The following PPARG variants were observed in gnomAD, a reference collection of about 807,000 sequenced individuals.
PPARG encodes peroxisome proliferator-activated receptor gamma.
A neutral mutation model predicts 39.2 loss-of-function variants in PPARG; 17 were observed. The observed-to-expected ratio is 0.43, with a 90% CI of 0.30 to 0.65. The LOEUF (loss-of-function observed/expected upper bound fraction) is 0.65, where lower values mean the gene tolerates loss of function less well. Ranked by LOEUF, PPARG falls within the 30% of genes least tolerant of loss-of-function variation. The pLI is 0.13. For missense variants in PPARG, 406 were observed against 585.9 expected (o/e 0.69, Z 3.17); for synonymous variants, 223 against 215.7 (o/e 1.03, Z -0.30).
At chr3:12,390,815 A>G (rs1268115050) in intron 4 of PPARG, among the ~76,000 whole-genome samples, 1 of 151,132 alleles carries the variant, frequency 6.6e-6, no homozygotes, top group Admixed American at 6.6e-5. Context: ...ACCTGCCTAA[A>G]TTTTTTGTAT....
At chr3:12,367,166 T>C (rs2049044058) in intron 2 of PPARG, among the ~76,000 whole-genome samples, 1 of 152,176 alleles carries the variant, frequency 6.6e-6, no homozygotes, top group African/African-American at 2.4e-5. Context: ...GATTATCAAA[T>C]TTGTGAGCAT....
intron 2 of PPARG, among the ~76,000 whole-genome samples, chr3:12,325,000 T>A (rs2047650949): frequency 6.7e-6 from 1 of 149,184 alleles, no homozygotes; most frequent in African/African-American, 2.4e-5. Context: ...ATAAAGAGGC[T>A]TTGTGAGCGA....
chr3:12,408,114 C>T (rs1054208892), intron 6 of PPARG, among the ~76,000 whole-genome samples: 2 of 152,170 alleles, frequency 1.3e-5, no homozygotes, highest in African/African-American at 4.8e-5. Flanking sequence ...TAGCATAGTA[C>T]TTTAGGAAGC....
intron 1 of PPARG, among the ~76,000 whole-genome samples, chr3:12,292,138 G>C (rs2046664243): frequency 6.6e-6 from 1 of 152,094 alleles, no homozygotes; most frequent in Non-Finnish European, 1.5e-5. Flanking sequence ...TTTATAAACT[G>C]TTTCTGGGAA....
chr3:12,368,183 C>CTTTTTTTTTTTTTTTTTT (rs556381640), intron 2 of PPARG, among the ~76,000 whole-genome samples: 1 of 133,448 alleles, frequency 7.5e-6, no homozygotes, highest in Non-Finnish European at 1.6e-5. Context: ...TTTTCTTTTT[C>CTTTTTTTTTTTTTTTTTT]TTTTTTGTTT....
chr3:12,410,101 A>AT lies in PPARG; in HGVS notation c.729+4021dup, dbSNP rs1385191312. On this transcript the variant is annotated intron_variant, in intron 6 of 7. Transcript: ENST00000651735. Reference sequence around the variant, plus strand: ...AAGATGGGATATGGAATCGTCAGCTATAGATTGCCGGACAAGAAATTTTAG... The same window carrying AT: ...AAGATGGGATATGGAATCGTCAGCTATTAGATTGCCGGACAAGAAATTTTAG... 2.0e-5 allele frequency among the ~76,000 whole-genome samples: 3 copies of AT among 152,224 alleles called. No homozygotes were observed. In the East Asian group the frequency reaches 5.8e-4, roughly 29 times the overall value.
intron 5 of PPARG, among the ~76,000 whole-genome samples, chr3:12,401,690 G>A (rs1277445335): frequency 1.3e-5 from 2 of 151,598 alleles, no homozygotes; most frequent in Non-Finnish European, 2.9e-5. Context: ...TGTTTTATGG[G>A]AATTTAGTCT....
intron 1 of PPARG, among the ~76,000 whole-genome samples, chr3:12,299,061 G>A (rs759187889): frequency 1.3e-5 from 2 of 151,986 alleles, no homozygotes; most frequent in African/African-American, 2.4e-5. Context: ...TCTTGAACTC[G>A]TAGGCCCAAG....
intron 7 of PPARG, among the ~76,000 whole-genome samples, chr3:12,429,069 T>C (rs1218835974): frequency 6.6e-6 from 1 of 152,188 alleles, no homozygotes; most frequent in Non-Finnish European, 1.5e-5. Context: ...CCTCCTTCCC[T>C]AAACCATCTT....
At chr3:12,316,634 T>G (rs2047396464) in intron 2 of PPARG, among the ~76,000 whole-genome samples, 1 of 151,998 alleles carries the variant, frequency 6.6e-6, no homozygotes, top group African/African-American at 2.4e-5. Context: ...AAGTAACAAG[T>G]CTTCAGCAGT....
rs1307204248 is a variant in PPARG, at chr3:12,374,553, C to T, written c.-8-5151C>T. ...GGTGGAGGTTGCAGTGAGCCAAGAT[C>T]GTGCCACTGCATTCCAGCCTGGGTG... On this transcript the variant is annotated intron_variant, in intron 2 of 7. Transcript: ENST00000651735. 2.6e-5 allele frequency among the ~76,000 whole-genome samples: 4 copies of T among 152,050 alleles called. No homozygotes were observed. The South Asian group carries it at 6.2e-4, about 24-fold the overall frequency.
intron 2 of PPARG, among the ~76,000 whole-genome samples, chr3:12,372,686 C>G (rs1460507924): frequency 6.6e-6 from 1 of 152,190 alleles, no homozygotes; most frequent in Non-Finnish European, 1.5e-5. Flanking sequence ...TTCAATTTTA[C>G]AATTTAGCAT....
intron 5 of PPARG, among the ~76,000 whole-genome samples, chr3:12,397,659 C>G (rs2050317100): frequency 6.6e-6 from 1 of 152,022 alleles, no homozygotes; most frequent in South Asian, 2.1e-4. Context: ...ATCTGCCCAC[C>G]TCAGCCTCTC....
chr3:12,320,207 T>C (rs1394493365), intron 2 of PPARG, among the ~76,000 whole-genome samples: 2 of 152,238 alleles, frequency 1.3e-5, no homozygotes, highest in Non-Finnish European at 2.9e-5. Context: ...TGGACATTTA[T>C]GTATATATAC....
At chr3:12,325,409 G>C (rs1054441269) in intron 2 of PPARG, among the ~76,000 whole-genome samples, 1 of 151,708 alleles carries the variant, frequency 6.6e-6, no homozygotes, top group African/African-American at 2.4e-5. Context: ...CGACAAGAGC[G>C]AGACTTTGTC....
intron 2 of PPARG, among the ~76,000 whole-genome samples, chr3:12,354,753 C>CA (rs71063823): frequency 4.6e-4 from 53 of 116,180 alleles, no homozygotes; most frequent in South Asian, 1.5e-3. Context: ...GACTCCATCT[C>CA]AAAAAAAAAA....
intron 4 of PPARG, 67 bp downstream of exon 4, chr3:12,381,558 T>C (rs183354275): frequency 3.4e-4 from 504 of 1,497,108 alleles, no homozygotes; most frequent in Non-Finnish European, 4.4e-4. Flanking sequence ...CAGAACCCCT[T>C]TTTTAGGTGA....
intron 2 of PPARG, among the ~76,000 whole-genome samples, chr3:12,326,734 A>T (rs4073770): frequency 0.25 from 36,160 of 145,096 alleles, 4,483 homozygotes; most frequent in East Asian, 0.33. Flanking sequence ...GAGATATATA[A>T]AAAAAAAAAG....
At chr3:12,415,112 G>A (rs1475847253) in intron 6 of PPARG, among the ~76,000 whole-genome samples, 4 of 152,120 alleles carry the variant, frequency 2.6e-5, no homozygotes, top group African/African-American at 7.2e-5. Flanking sequence ...CTCCTTTCAG[G>A]AGAGAATTGT....
Sources: allele counts gnomAD v4.1 joint callset (sites outside exome capture counted in the v4.1 genomes callset), GRCh38; gene constraint gnomAD v4.1.1; transcripts MANE v1.5; gene names NCBI Gene and HGNC (gene_info 2026-07-23, HGNC 2026-07-21).